Variants in RTTN observed in about 807,000 individuals in gnomAD.
RTTN encodes rotatin.
Under a neutral mutation model 269.2 loss-of-function variants are expected in RTTN, and 182 were observed. The observed-to-expected ratio is 0.68, with a 90% CI of 0.60 to 0.76. RTTN has a LOEUF of 0.76. RTTN is among the 30% of genes least tolerant of loss of function. RTTN has a pLI of 0.00. For missense variants in RTTN, 2,545 were observed against 2,608.6 expected, an observed-to-expected ratio of 0.98 and a Z score of 0.53; for synonymous variants, 1,006 against 963.5, an observed-to-expected ratio of 1.04 and a Z score of -0.82.
At chr18:70,204,979 A>G in intron 2 of RTTN, 149 bp downstream of exon 2, 2 of 711,376 alleles carry the variant, frequency 2.8e-6, no homozygotes, top group Non-Finnish European at 4.7e-6. Flanking sequence ...AAGATGAACC[A>G]TATACCCAGA....
At chr18:70,009,110 A>G (rs2056289093) in intron 46 of RTTN, 1 of 152,222 alleles carries the variant, frequency 6.6e-6, no homozygotes, top group African/African-American at 2.4e-5. Flanking sequence ...GCCAATATTC[A>G]ACATTCTTAA....
At chr18:70,102,938 C>A (rs1439238293) in intron 28 of RTTN, among the ~76,000 whole-genome samples, 1 of 146,046 alleles carries the variant, frequency 6.8e-6, no homozygotes, top group Non-Finnish European at 1.5e-5. Context: ...CCCGGGCGCC[C>A]CGTCTGGGAA....
At position 70,020,623 on chromosome 18, in the gene RTTN, T is replaced by A. The variant is rs528441748; in HGVS notation, c.6145A>T (p.Ile2049Phe). 14 of 1,613,392 alleles carry A rather than the reference T, an allele frequency of 8.7e-6. No individual in the cohort carries two copies. In the South Asian group the frequency reaches 1.4e-4, roughly 16 times the overall value. Residue 2049 changes from isoleucine to phenylalanine, a missense_variant, in exon 45 of 49, where the codon ATT becomes TTT. Ile to Phe is a conservative substitution (Grantham distance 21, BLOSUM62 0). Coordinates refer to ENST00000640769, the MANE Select transcript of RTTN (RefSeq NM_173630.4). ...GGAGTTTAAGTGCGTACCTTCTGAA[T>A]TACTCCTTTACAGTCATGCGACAAG... ...LALSHDCKGVIQKSNFLQNFL... is the reference protein window; with the variant it reads ...LALSHDCKGVFQKSNFLQNFL...
chr18:70,136,455 A>C (rs1207154546), intron 21 of RTTN, among the ~76,000 whole-genome samples: 1 of 151,822 alleles, frequency 6.6e-6, no homozygotes, highest in African/African-American at 2.4e-5. Context: ...AGTTGAGAGA[A>C]AATATTAATC....
At chr18:70,127,889 T>C (rs1715529487) in intron 24 of RTTN, 148 bp from the exon 25 acceptor site, 3 of 707,176 alleles carry the variant, frequency 4.2e-6, no homozygotes, top group African/African-American at 1.8e-5. Flanking sequence ...GAAAAACTGA[T>C]ACATATCTGT....
chr18:70,055,253 T>C (rs771893935), intron 37 of RTTN, among the ~76,000 whole-genome samples: 1 of 152,162 alleles, frequency 6.6e-6, no homozygotes, highest in Non-Finnish European at 1.5e-5. Flanking sequence ...GCCAGTTACA[T>C]ATAAGTGAAT....
At chr18:70,025,592 G>A (rs189316937) in intron 43 of RTTN, among the ~76,000 whole-genome samples, 41 of 152,258 alleles carry the variant, frequency 2.7e-4, no homozygotes, top group Admixed American at 1.4e-3. Flanking sequence ...AACACTCTCC[G>A]TAAGCACTGA....
intron 11 of RTTN, among the ~76,000 whole-genome samples, chr18:70,173,136 T>A (rs987179006): frequency 6.6e-6 from 1 of 152,164 alleles, no homozygotes; most frequent in Non-Finnish European, 1.5e-5. Flanking sequence ...ATATTTAAAA[T>A]GCAGTGTTTT....
At chr18:70,205,495 G>C in intron 1 of RTTN, 133 bp downstream of exon 1, 7 of 1,360,122 alleles carry the variant, frequency 5.1e-6, no homozygotes, top group Non-Finnish European at 7.3e-6. Flanking sequence ...GTCCCCGGGG[G>C]CTATCCTGAC....
rs369052483 is a variant in RTTN at position 70,128,419 on chromosome 18, A to G, written c.3082T>C (p.Ser1028Pro). The G allele has an allele frequency of 1.9e-5, 31 of 1,613,276 alleles. No individual in the cohort carries two copies. Among genetic ancestry groups the G allele is most frequent in the Non-Finnish European group, 2.2e-5 (26 of 1,179,550 alleles). Residue 1028 changes from serine (S) to proline (P), a missense_variant, in exon 24 of 49, where the codon TCA (serine) becomes CCA (proline). Coordinates refer to ENST00000640769, the MANE Select transcript of RTTN (RefSeq NM_173630.4). The stretch of plus-strand genomic sequence containing the variant: ...AGATTATCACTCCCATGATACCATG[A>G]CAGGTTCCAAGCTATTCTCAGCATA... ...SDMLRIAWNLSWYHGSDNLLK... is the reference protein window; with the variant it reads ...SDMLRIAWNLPWYHGSDNLLK...
In RTTN at chr18:70,100,948, G is replaced by T. The variant is rs147422615; in HGVS notation, c.3904-8144C>A. Among the ~76,000 whole-genome samples the T allele has an allele frequency of 5.1e-3, 769 of 152,268 alleles. 8 individuals are homozygous for T. Among genetic ancestry groups the T allele is most frequent in the African/African-American group, 0.017 (722 of 41,542 alleles). ...AAGCCCACTTGATCATGGTGGATAAGCTTTTTCATGTGCTGCTGGATTCAG... is the reference window on the plus strand; with the variant it reads ...AAGCCCACTTGATCATGGTGGATAATCTTTTTCATGTGCTGCTGGATTCAG... On this transcript the variant is annotated intron_variant, in intron 28 of 48. Transcript: ENST00000640769.
intron 10 of RTTN, among the ~76,000 whole-genome samples, chr18:70,181,991 C>G (rs1233635422): frequency 1.3e-5 from 2 of 152,076 alleles, no homozygotes; most frequent in Non-Finnish European, 2.9e-5. Flanking sequence ...GATAAATGTT[C>G]TGGCCAAGAA....
chr18:70,038,552 G>A (rs2057244855), intron 40 of RTTN, among the ~76,000 whole-genome samples: 1 of 152,164 alleles, frequency 6.6e-6, no homozygotes, highest in South Asian at 2.1e-4. Flanking sequence ...AAGTGTTATT[G>A]GGCTTAAGGT....
chr18:70,169,433 G>A (rs1323298319), intron 11 of RTTN, among the ~76,000 whole-genome samples: 5 of 152,036 alleles, frequency 3.3e-5, no homozygotes, highest in Non-Finnish European at 5.9e-5. Context: ...GTACATGTAC[G>A]CAAATCTCCC....
chr18:70,193,745 A>C (rs2061736714), intron 7 of RTTN, among the ~76,000 whole-genome samples: 1 of 152,212 alleles, frequency 6.6e-6, no homozygotes, highest in Non-Finnish European at 1.5e-5. Flanking sequence ...CGTCTGCTTA[A>C]AACTCTCCAA....
chr18:70,013,567 T>C (rs945114323), intron 46 of RTTN, among the ~76,000 whole-genome samples: 4 of 152,196 alleles, frequency 2.6e-5, no homozygotes, highest in African/African-American at 7.2e-5. Context: ...TGAACTCTCA[T>C]ATAAACATTT....
chr18:70,009,204 C>T (rs561539919), intron 46 of RTTN, among the ~76,000 whole-genome samples: 3 of 151,080 alleles, frequency 2.0e-5, no homozygotes, highest in Non-Finnish European at 3.0e-5. Flanking sequence ...GGTGAGATCT[C>T]GGCTCACTGC....
chr18:70,009,087 A>C (rs1244058338), intron 46 of RTTN: 1 of 152,236 alleles, frequency 6.6e-6, no homozygotes, highest in African/African-American at 2.4e-5. Context: ...CTATAAGCCA[A>C]AAGAGACTGG....
chr18:70,120,289 C>A (rs1267041333), intron 26 of RTTN, among the ~76,000 whole-genome samples: 2 of 152,068 alleles, frequency 1.3e-5, no homozygotes, highest in African/African-American at 4.8e-5. Flanking sequence ...ACTTCCTGCA[C>A]CCCATAACTG....
Sources: gnomAD v4.1 joint callset for allele counts (sites outside exome capture counted in the v4.1 genomes callset) on GRCh38, gnomAD v4.1.1 for gene constraint, MANE v1.5 for transcripts, NCBI Gene and HGNC (gene_info 2026-07-23, HGNC 2026-07-21) for gene names.